SLC4A4: variants seen among roughly 807,000 people sequenced by gnomAD.
The protein encoded by SLC4A4 is electrogenic sodium bicarbonate cotransporter 1.
SLC4A4 carries 27 observed loss-of-function variants against 111.5 expected under a neutral mutation model. The ratio of observed to expected loss-of-function variants is 0.24; its 90% CI spans 0.18 to 0.33. The LOEUF (loss-of-function observed/expected upper bound fraction) is 0.33, where lower values mean the gene tolerates loss of function less well. Among genes scored for constraint, SLC4A4 ranks in the 10% least tolerant of loss-of-function variants. The pLI, the probability that SLC4A4 is intolerant of heterozygous loss-of-function variation, is 1.00. For synonymous variants in SLC4A4, 443 were observed against 463.4 expected, an observed-to-expected ratio of 0.96 and a Z score of 0.57; for missense variants, 909 against 1,315.5, an observed-to-expected ratio of 0.69 and a Z score of 4.78.
intron 3 of SLC4A4, among the ~76,000 whole-genome samples, chr4:71,281,200 C>A (rs1402148375): frequency 6.6e-6 from 1 of 152,186 alleles, no homozygotes; most frequent in Non-Finnish European, 1.5e-5. Context: ...AAAGCAGATG[C>A]TAGACGTTGT....
At chr4:71,132,180 G>GT (rs1421593361) in intron 2 of SLC4A4, among the ~76,000 whole-genome samples, 1 of 151,972 alleles carries the variant, frequency 6.6e-6, no homozygotes, top group Non-Finnish European at 1.5e-5. Flanking sequence ...AATCACTAGT[G>GT]TTTTTTCCTT....
At chr4:71,170,403 T>G (rs2148982008) in intron 2 of SLC4A4, among the ~76,000 whole-genome samples, 1 of 152,348 alleles carries the variant, frequency 6.6e-6, no homozygotes, top group Admixed American at 6.5e-5. Context: ...TGTTTAAGTC[T>G]AATTTCTCAT....
intron 3 of SLC4A4, among the ~76,000 whole-genome samples, chr4:71,331,377 T>C (rs1319255445): frequency 6.6e-6 from 1 of 152,142 alleles, no homozygotes; most frequent in East Asian, 1.9e-4. Context: ...GTGGCACATA[T>C]ACACCATGGA....
intron 16 of SLC4A4, among the ~76,000 whole-genome samples, chr4:71,522,889 C>A (rs1012987880): frequency 1.3e-5 from 2 of 152,144 alleles, no homozygotes; most frequent in African/African-American, 4.8e-5. Flanking sequence ...ACATAATGAG[C>A]ATTTTAGTTA....
Position 71,534,402 on chromosome 4 carries a change from A to G in SLC4A4, c.2442+14A>G. The G allele has an allele frequency of 1.2e-6, 2 of 1,611,854 alleles. No homozygotes were observed. Among genetic ancestry groups the G allele is most frequent in the Non-Finnish European group, 1.7e-6 (2 of 1,178,210 alleles). Reference sequence around the variant, plus strand: ...CATAAACTCAAGGTAAGTGTCCATAATAATGTCTGTCATTGCCTTCTACTT... The same window carrying G: ...CATAAACTCAAGGTAAGTGTCCATAGTAATGTCTGTCATTGCCTTCTACTT... On this transcript the variant is annotated intron_variant, in intron 18 of 25. Coordinates refer to ENST00000264485, the MANE Select transcript of SLC4A4 (RefSeq NM_001098484.3).
intron 2 of SLC4A4, among the ~76,000 whole-genome samples, chr4:71,250,626 G>C (rs1393753681): frequency 2.6e-5 from 4 of 152,162 alleles, no homozygotes; most frequent in Non-Finnish European, 5.9e-5. Flanking sequence ...AAAGTTGGAA[G>C]AATGAGGTTG....
chr4:71,487,856 A>G (rs774065846), intron 15 of SLC4A4, among the ~76,000 whole-genome samples: 2 of 151,308 alleles, frequency 1.3e-5, no homozygotes, highest in African/African-American at 4.8e-5. Context: ...TTTTGTTTTT[A>G]TATTCTGTGG....
intron 18 of SLC4A4, among the ~76,000 whole-genome samples, chr4:71,543,799 T>G (rs1000539505): frequency 2.0e-5 from 3 of 152,108 alleles, no homozygotes; most frequent in Non-Finnish European, 2.9e-5. Flanking sequence ...TGATTTAGTC[T>G]AAAGAGGGCA....
At chr4:71,311,901 G>GAGAGAGAGAA (rs1349645823) in intron 3 of SLC4A4, among the ~76,000 whole-genome samples, 5 of 148,362 alleles carry the variant, frequency 3.4e-5, no homozygotes, top group African/African-American at 1.3e-4. Context: ...GAGAGAGAGA[G>GAGAGAGAGAA]AGAGAGAGAG....
At chr4:71,549,316 CT>C (rs1217776618) in intron 20 of SLC4A4, among the ~76,000 whole-genome samples, 1 of 151,820 alleles carries the variant, frequency 6.6e-6, no homozygotes, top group Non-Finnish European at 1.5e-5. Flanking sequence ...ACAGTGTTAC[CT>C]TTTAGGCAAT....
chr4:71,403,199 G>T (rs1720528641), intron 7 of SLC4A4, among the ~76,000 whole-genome samples: 2 of 152,208 alleles, frequency 1.3e-5, no homozygotes, highest in Non-Finnish European at 1.5e-5. Context: ...TAGGAAAAAA[G>T]GAGCCTTTTG....
chr4:71,464,889 G>T (rs961685847), intron 12 of SLC4A4, among the ~76,000 whole-genome samples: 2 of 152,096 alleles, frequency 1.3e-5, no homozygotes, highest in Non-Finnish European at 2.9e-5. Flanking sequence ...GGCACTTACT[G>T]TGTAAGTTTT....
At chr4:71,236,395 A>G (rs1264293355) in intron 1 of SLC4A4, 181 bp from the exon 2 acceptor site, 1 of 762,818 alleles carries the variant, frequency 1.3e-6, no homozygotes, top group Admixed American at 2.8e-5. Flanking sequence ...GGACCGGCAT[A>G]TTCTCGAGCA....
At chr4:71,275,147 C>T (rs1722980301) in intron 3 of SLC4A4, among the ~76,000 whole-genome samples, 1 of 152,150 alleles carries the variant, frequency 6.6e-6, no homozygotes, top group Non-Finnish European at 1.5e-5. Flanking sequence ...GGAGTGAACC[C>T]AAAGGACTCA....
intron 1 of SLC4A4, among the ~76,000 whole-genome samples, chr4:71,068,753 G>A (rs574108159): frequency 4.6e-5 from 7 of 151,820 alleles, no homozygotes; most frequent in East Asian, 3.9e-4. Context: ...TTGTAGAGAC[G>A]AGGGGATCTC....
At chr4:71,083,065 T>C (rs1742037048) in intron 1 of SLC4A4, among the ~76,000 whole-genome samples, 2 of 151,840 alleles carry the variant, frequency 1.3e-5, no homozygotes, top group African/African-American at 4.8e-5. Context: ...GTTGGCCAGG[T>C]TGGTCTTCAA....
At chr4:71,566,651 T>A (rs1267441451) in intron 24 of SLC4A4, among the ~76,000 whole-genome samples, 1 of 151,772 alleles carries the variant, frequency 6.6e-6, no homozygotes, top group African/African-American at 2.4e-5. Flanking sequence ...AAAATCTTTT[T>A]TTCCTTATGA....
At chr4:71,234,722 C>G (rs1719685245) in intron 1 of SLC4A4, among the ~76,000 whole-genome samples, 1 of 152,218 alleles carries the variant, frequency 6.6e-6, no homozygotes. Context: ...GTGTGAGCCA[C>G]CACGGCCGGC....
chr4:71,220,781 C>T (rs1187285631), intron 1 of SLC4A4, among the ~76,000 whole-genome samples: 1 of 152,022 alleles, frequency 6.6e-6, no homozygotes, highest in African/African-American at 2.4e-5. Flanking sequence ...AAACGCATGT[C>T]ATGGGAGTTT....
Sources: gnomAD v4.1 joint callset for allele counts (sites outside exome capture counted in the v4.1 genomes callset) on GRCh38, gnomAD v4.1.1 for gene constraint, MANE v1.5 for transcripts, NCBI Gene and HGNC (gene_info 2026-07-23, HGNC 2026-07-21) for gene names.